AGBL4: variants seen among roughly 807,000 people sequenced by gnomAD.
AGBL4 encodes the protein AGBL carboxypeptidase 4.
A neutral mutation model predicts 66.4 loss-of-function variants in AGBL4; 58 were observed. That is an observed-to-expected ratio of 0.87 (90% CI 0.71 to 1.09). The LOEUF (loss-of-function observed/expected upper bound fraction) is 1.09. AGBL4 is among the 50% of genes least tolerant of loss of function. The pLI, the probability that AGBL4 is intolerant of heterozygous loss-of-function variation, is 0.00. For synonymous variants in AGBL4, 234 were observed against 222.9 expected, an observed-to-expected ratio of 1.05 and a Z score of -0.44; for missense variants, 579 against 631.0, an observed-to-expected ratio of 0.92 and a Z score of 0.88.
chr1:49,090,002 C>T (rs1052804912), intron 4 of AGBL4, among the ~76,000 whole-genome samples: 2 of 152,032 alleles, frequency 1.3e-5, no homozygotes, highest in Non-Finnish European at 2.9e-5. Context: ...TACATCGTCT[C>T]AATAGATGCA....
chr1:49,207,188 C>T (rs1648217975), intron 4 of AGBL4, among the ~76,000 whole-genome samples: 1 of 152,070 alleles, frequency 6.6e-6, no homozygotes, highest in Non-Finnish European at 1.5e-5. Context: ...GGATGATGAT[C>T]CTGTCATTGG....
chr1:49,874,619 A>G (rs1011084936), intron 1 of AGBL4, among the ~76,000 whole-genome samples: 1 of 152,120 alleles, frequency 6.6e-6, no homozygotes, highest in Non-Finnish European at 1.5e-5. Context: ...TCCTGTTCTC[A>G]TTCCCTAGAT....
intron 1 of AGBL4, among the ~76,000 whole-genome samples, chr1:49,942,250 T>C (rs1571921457): frequency 6.6e-6 from 1 of 152,054 alleles, no homozygotes; most frequent in East Asian, 1.9e-4. Flanking sequence ...ATTGCCAAAA[T>C]GTCCATACTA....
chr1:49,807,905 G>T (rs1462781819), intron 2 of AGBL4, among the ~76,000 whole-genome samples: 1 of 152,178 alleles, frequency 6.6e-6, no homozygotes, highest in Admixed American at 6.5e-5. Flanking sequence ...CCATGTGAGG[G>T]CACAGTGAGA....
chr1:49,005,023 G>A (rs1485257248), intron 5 of AGBL4, among the ~76,000 whole-genome samples: 1 of 152,172 alleles, frequency 6.6e-6, no homozygotes. Context: ...ACATGGGAAT[G>A]GGTATAGGCA....
chr1:49,900,279 C>T (rs1649642679), intron 1 of AGBL4, among the ~76,000 whole-genome samples: 1 of 151,596 alleles, frequency 6.6e-6, no homozygotes, highest in Non-Finnish European at 1.5e-5. Flanking sequence ...GAGTTTCGCT[C>T]TTGTTGCCCA....
chr1:49,472,287 C>T (rs1646760980), intron 3 of AGBL4, among the ~76,000 whole-genome samples: 1 of 151,894 alleles, frequency 6.6e-6, no homozygotes, highest in Admixed American at 6.6e-5. Context: ...ACTAGGAAAC[C>T]ACATATACCA....
intron 2 of AGBL4, among the ~76,000 whole-genome samples, chr1:49,788,886 AGAGT>A (rs1333926362): frequency 6.6e-6 from 1 of 152,208 alleles, no homozygotes; most frequent in Admixed American, 6.5e-5. Flanking sequence ...ATGTTGAATA[AGAGT>A]GGTGAGAGAG....
intron 1 of AGBL4, among the ~76,000 whole-genome samples, chr1:49,950,168 A>G (rs376565657): frequency 3.8e-4 from 55 of 146,366 alleles, no homozygotes; most frequent in Admixed American, 6.2e-4. Flanking sequence ...ACACACATAT[A>G]TATATACATA....
At chr1:50,005,071 C>T (rs945085874) in intron 1 of AGBL4, among the ~76,000 whole-genome samples, 8 of 152,194 alleles carry the variant, frequency 5.3e-5, no homozygotes, top group Admixed American at 6.5e-5. Flanking sequence ...AACTCACAGC[C>T]CTGAAGGGAA....
chr1:49,520,840 T>G (rs1476376107), intron 3 of AGBL4, among the ~76,000 whole-genome samples: 1 of 151,180 alleles, frequency 6.6e-6, no homozygotes, highest in Non-Finnish European at 1.5e-5. Context: ...GACGGAGTCT[T>G]GCTCTGTTGC....
At chr1:48,581,622 T>G (rs1644741749) in intron 11 of AGBL4, among the ~76,000 whole-genome samples, 1 of 152,206 alleles carries the variant, frequency 6.6e-6, no homozygotes, top group Non-Finnish European at 1.5e-5. Context: ...TAAATAGGGT[T>G]TCCTGAAGAA....
chr1:50,023,248 C>T (rs187678333), intron 1 of AGBL4, among the ~76,000 whole-genome samples: 62 of 152,280 alleles, frequency 4.1e-4, no homozygotes, highest in Non-Finnish European at 1.6e-4. Context: ...CACTGCACAT[C>T]CCCAAACACA....
chr1:49,166,275 C>T (rs1646631849), intron 4 of AGBL4, among the ~76,000 whole-genome samples: 1 of 152,064 alleles, frequency 6.6e-6, no homozygotes. Context: ...CCCACACTAA[C>T]AACAGCCTCA....
At chr1:49,123,754 A>G (rs1423819332) in intron 4 of AGBL4, among the ~76,000 whole-genome samples, 4 of 152,116 alleles carry the variant, frequency 2.6e-5, no homozygotes, top group Non-Finnish European at 5.9e-5. Flanking sequence ...GTCCTAAGAA[A>G]CTTAATTGAG....
chr1:49,261,384 C>T lies in AGBL4; in HGVS notation c.283-15520G>A, dbSNP rs1294819733. 6.0e-4 allele frequency among the ~76,000 whole-genome samples: 91 copies of T among 152,152 alleles called. 2 individuals are homozygous for T. In the South Asian group the frequency reaches 9.8e-3, roughly 16 times the overall value. On this transcript the variant is annotated intron_variant, in intron 3 of 13. Coordinates refer to ENST00000371839, the MANE Select transcript of AGBL4 (RefSeq NM_032785.4). ...AAGTCAAATTGTCCCTGTTTGCAGACGACATGATTGTATATCTAGAAGACC... is the reference window on the plus strand; with the variant it reads ...AAGTCAAATTGTCCCTGTTTGCAGATGACATGATTGTATATCTAGAAGACC...
chr1:49,544,684 T>G (rs900243270), intron 3 of AGBL4, among the ~76,000 whole-genome samples: 1 of 152,232 alleles, frequency 6.6e-6, no homozygotes, highest in African/African-American at 2.4e-5. Flanking sequence ...TCTCATCACA[T>G]CTGATCCCCA....
At chr1:49,560,456 C>T (rs1376651588) in intron 3 of AGBL4, among the ~76,000 whole-genome samples, 1 of 151,900 alleles carries the variant, frequency 6.6e-6, no homozygotes, top group Non-Finnish European at 1.5e-5. Flanking sequence ...AACAATGAAG[C>T]ACACCTAAAG....
At chr1:48,865,746 A>G (rs141830805) in intron 6 of AGBL4, among the ~76,000 whole-genome samples, 66 of 152,302 alleles carry the variant, frequency 4.3e-4, no homozygotes, top group African/African-American at 1.5e-3. Context: ...ATACTTAGCT[A>G]TCATATCAGG....
Sources: gnomAD v4.1 joint callset for allele counts (sites outside exome capture counted in the v4.1 genomes callset) on GRCh38, gnomAD v4.1.1 for gene constraint, MANE v1.5 for transcripts, NCBI Gene and HGNC (gene_info 2026-07-23, HGNC 2026-07-21) for gene names.